ERBB4: variants seen among roughly 807,000 people sequenced by gnomAD.
ERBB4 encodes the protein receptor tyrosine-protein kinase erbB-4.
Under a neutral mutation model 158.0 loss-of-function variants are expected in ERBB4, and 42 were observed. The observed-to-expected ratio is 0.27, with a 90% CI of 0.21 to 0.34. The LOEUF is 0.34. Among genes scored for constraint, ERBB4 ranks in the 10% least tolerant of loss-of-function variants. The pLI is 1.00. For missense variants in ERBB4, 1,333 were observed against 1,624.1 expected, an observed-to-expected ratio of 0.82 and a Z score of 3.08; for synonymous variants, 583 against 558.7, an observed-to-expected ratio of 1.04 and a Z score of -0.61.
At chr2:211,422,186 A>G (rs551169137) in intron 23 of ERBB4, 82 bp from the exon 24 acceptor site, 20 of 912,900 alleles carry the variant, frequency 2.2e-5, no homozygotes, top group Middle Eastern at 2.1e-4. Context: ...AATATGAGCA[A>G]AAGTTTGAAA....
At chr2:211,804,724 G>C (rs1319134840) in intron 3 of ERBB4, among the ~76,000 whole-genome samples, 1 of 151,948 alleles carries the variant, frequency 6.6e-6, no homozygotes, top group Admixed American at 6.5e-5. Context: ...TCTGTATTCA[G>C]TACACAGGAA....
intron 1 of ERBB4, among the ~76,000 whole-genome samples, chr2:212,352,866 C>A (rs965917790): frequency 6.6e-6 from 1 of 151,640 alleles, no homozygotes; most frequent in Non-Finnish European, 1.5e-5. Context: ...AAAACTCTGT[C>A]TCAAAAAAAT....
intron 1 of ERBB4, among the ~76,000 whole-genome samples, chr2:212,217,972 A>T (rs2083156702): frequency 6.6e-6 from 1 of 151,284 alleles, no homozygotes; most frequent in Admixed American, 6.6e-5. Flanking sequence ...CAACCCAAAG[A>T]TCAATAACTA....
At chr2:212,167,196 G>A (rs1312817982) in intron 1 of ERBB4, among the ~76,000 whole-genome samples, 2 of 151,916 alleles carry the variant, frequency 1.3e-5, no homozygotes, top group Non-Finnish European at 2.9e-5. Context: ...CTACCCATCT[G>A]ACAAAGGTCT....
chr2:212,515,948 GACA>G (rs1270982153), intron 1 of ERBB4, among the ~76,000 whole-genome samples: 7 of 151,798 alleles, frequency 4.6e-5, no homozygotes. Context: ...AAGCATAAAG[GACA>G]ACATTAAAGG....
chr2:211,802,303 G>T (rs959840222), intron 3 of ERBB4, among the ~76,000 whole-genome samples: 1 of 151,878 alleles, frequency 6.6e-6, no homozygotes, highest in African/African-American at 2.4e-5. Context: ...CAGGTAGTGG[G>T]AATGCTAATA....
intron 2 of ERBB4, among the ~76,000 whole-genome samples, chr2:211,975,781 G>GC (rs1465269114): frequency 3.3e-5 from 5 of 151,980 alleles, no homozygotes; most frequent in African/African-American, 1.2e-4. Flanking sequence ...TCTTATAAAT[G>GC]CCAATGAATT....
Position 211,893,316 on chromosome 2 carries a change from T to A in ERBB4, c.421+54114A>T, listed in dbSNP as rs1418376741. ...GAAAAACAAGCAAGGGGGAAAGGAT[T>A]CCCTATTTAATAAATGGTGCTGGGA... is the stretch of plus-strand genomic sequence containing the variant. On this transcript the variant is annotated intron_variant, in intron 3 of 27. Transcript: ENST00000342788. 2.9e-4 allele frequency among the ~76,000 whole-genome samples: 42 copies of A among 144,546 alleles called. 4 individuals carry two copies. Among genetic ancestry groups the A allele is most frequent in the Non-Finnish European group, 5.9e-4 (39 of 66,492 alleles). The allele number at this position is 144,546 out of a possible 152,430, so 94.8% of individuals were successfully genotyped here.
intron 18 of ERBB4, among the ~76,000 whole-genome samples, chr2:211,623,446 G>A (rs60744456): frequency 0.023 from 3,447 of 152,128 alleles, 146 homozygotes; most frequent in African/African-American, 0.079. Flanking sequence ...TAAGACATCA[G>A]CATATTTGAA....
At chr2:211,706,400 T>C (rs567748858) in intron 9 of ERBB4, among the ~76,000 whole-genome samples, 1 of 152,244 alleles carries the variant, frequency 6.6e-6, no homozygotes, top group South Asian at 2.1e-4. Context: ...CACAATCCCC[T>C]GACAAACAGA....
At chr2:211,740,768 A>G (rs1210671230) in intron 5 of ERBB4, among the ~76,000 whole-genome samples, 1 of 150,250 alleles carries the variant, frequency 6.7e-6, no homozygotes, top group Non-Finnish European at 1.5e-5. Flanking sequence ...CCGCCACCAC[A>G]CCCGACTAAT....
intron 1 of ERBB4, among the ~76,000 whole-genome samples, chr2:212,145,654 C>A (rs911744403): frequency 6.7e-6 from 1 of 149,188 alleles, no homozygotes; most frequent in Non-Finnish European, 1.5e-5. Flanking sequence ...GCAGGTCACA[C>A]CTGAGATTCA....
chr2:211,966,545 T>C (rs964848980), intron 2 of ERBB4, among the ~76,000 whole-genome samples: 2 of 152,146 alleles, frequency 1.3e-5, no homozygotes, highest in African/African-American at 4.8e-5. Flanking sequence ...CGGACTTAAA[T>C]TTGTTTAAAC....
intron 1 of ERBB4, among the ~76,000 whole-genome samples, chr2:212,478,926 T>C (rs974916646): frequency 5.3e-5 from 8 of 152,160 alleles, no homozygotes; most frequent in African/African-American, 1.9e-4. Flanking sequence ...GGCTTTGGGT[T>C]CCCACTTTTC....
chr2:211,838,170 G>A (rs2077383141), intron 3 of ERBB4, among the ~76,000 whole-genome samples: 1 of 152,064 alleles, frequency 6.6e-6, no homozygotes, highest in Non-Finnish European at 1.5e-5. Flanking sequence ...GCAACTTTCT[G>A]TAGTTTACAA....
At chr2:212,403,437 T>C (rs961513637) in intron 1 of ERBB4, among the ~76,000 whole-genome samples, 2 of 152,084 alleles carry the variant, frequency 1.3e-5, no homozygotes, top group East Asian at 1.9e-4. Context: ...AGAGAGATAT[T>C]TGTACTCCCA....
rs866430902 is a variant in ERBB4, at chr2:211,932,592, T to C, written c.421+14838A>G. ...TTTGAGGGGGGAGTGTCCATCATTC[T>C]ATGTTTATCTATACATGTGATATTT... On this transcript the variant is annotated intron_variant, in intron 3 of 27. Coordinates refer to ENST00000342788, the MANE Select transcript of ERBB4 (RefSeq NM_005235.3). Among the ~76,000 whole-genome samples the C allele has an allele frequency of 2.0e-5, 3 of 152,018 alleles. No homozygotes were observed. The South Asian group carries it at 6.2e-4, about 31-fold the overall frequency.
chr2:211,631,038 C>A (rs1296824631), intron 16 of ERBB4, among the ~76,000 whole-genome samples: 1 of 152,136 alleles, frequency 6.6e-6, no homozygotes, highest in African/African-American at 2.4e-5. Flanking sequence ...ACAACAGTGG[C>A]ACTATTGACA....
chr2:211,786,802 A>T (rs1216378900), intron 4 of ERBB4, among the ~76,000 whole-genome samples: 2 of 152,356 alleles, frequency 1.3e-5, no homozygotes, highest in East Asian at 3.9e-4. Context: ...TAATATGTGC[A>T]ATAGCATGGG....
Sources: allele counts gnomAD v4.1 joint callset (sites outside exome capture counted in the v4.1 genomes callset), GRCh38; gene constraint gnomAD v4.1.1; transcripts MANE v1.5; gene names NCBI Gene and HGNC (gene_info 2026-07-23, HGNC 2026-07-21).